The following LCA5L variants were observed in gnomAD, a reference collection of about 807,000 sequenced individuals.
The protein encoded by LCA5L is lebercilin-like protein.
Under a neutral mutation model 45.4 loss-of-function variants are expected in LCA5L, and 35 were observed. That is an observed-to-expected ratio of 0.77 (90% CI 0.59 to 1.02). The LOEUF (loss-of-function observed/expected upper bound fraction) is 1.02. LCA5L is among the 50% of genes least tolerant of loss of function. The pLI is 0.00. For missense variants in LCA5L, 668 were observed against 761.6 expected (o/e 0.88, Z 1.45); for synonymous variants, 233 against 264.7 (o/e 0.88, Z 1.16).
intron 1 of LCA5L, among the ~76,000 whole-genome samples, chr21:39,444,950 G>C (rs2077289355): frequency 6.6e-6 from 1 of 152,064 alleles, no homozygotes; most frequent in African/African-American, 2.4e-5. Context: ...TAAATGCAGG[G>C]ATCTGGTGTT....
intron 5 of LCA5L, among the ~76,000 whole-genome samples, chr21:39,423,818 TA>T (rs2074159084): frequency 6.6e-6 from 1 of 152,164 alleles, no homozygotes; most frequent in African/African-American, 2.4e-5. Flanking sequence ...TCTTTGACTC[TA>T]AAATCTGTAC....
At chr21:39,419,196 C>T (rs2041841318) in intron 7 of LCA5L, among the ~76,000 whole-genome samples, 1 of 152,098 alleles carries the variant, frequency 6.6e-6, no homozygotes, top group East Asian at 1.9e-4. Flanking sequence ...TCTCAAGGCT[C>T]CTGGAAAATC....
At chr21:39,436,988 C>T (rs539835988) in intron 2 of LCA5L, among the ~76,000 whole-genome samples, 1 of 152,326 alleles carries the variant, frequency 6.6e-6, no homozygotes, top group East Asian at 1.9e-4. Context: ...TAACTGCATG[C>T]TTCACAAGGC....
rs753046440 is a variant in LCA5L, at chr21:39,406,271, C to T, written c.1624G>A (p.Gly542Arg). ...CTCATGTTGCCGGCATTGGCTGGCC[C>T]CCCTGAAGCAGGAAGCCCATGATGC... is the stretch of plus-strand genomic sequence containing the variant. ...NLHHGLPASG[G>R]PANAGNMRYS... Residue 542 changes from glycine (G) to arginine (R), a missense_variant, in exon 11 of 11, where the codon GGG (glycine) becomes AGG (arginine). By Grantham distance (125) the Gly-to-Arg change is moderately radical. Transcript: ENST00000288350. 6.2e-7 allele frequency: 1 copy of T among 1,614,210 alleles called. No individual in the cohort carries two copies. Among genetic ancestry groups the T allele is most frequent in the African/African-American group, 1.3e-5 (1 of 75,050 alleles).
chr21:39,434,903 G>A (rs1048084012), intron 3 of LCA5L, among the ~76,000 whole-genome samples: 1 of 152,138 alleles, frequency 6.6e-6, no homozygotes, highest in Non-Finnish European at 1.5e-5. Flanking sequence ...AGAAGGTAAG[G>A]CAAAAGGATC....
At position 39,410,387 on chromosome 21, in the gene LCA5L, T is replaced by C. The variant is rs748619691; in HGVS notation, c.1061-20A>G. 2.3e-6 allele frequency: 3 copies of C among 1,284,262 alleles called. No individual in the cohort carries two copies. Among genetic ancestry groups the C allele is most frequent in the Non-Finnish European group, 3.3e-6 (3 of 902,914 alleles). 79.6% of individuals were successfully genotyped at this position (1,284,262 alleles called of 1,614,324 possible). ...AAGAAACTATGGAACAGGTAGATTA[T>C]ATGTAAGAAACATATTTTACATTTG... On this transcript the variant is annotated intron_variant, in intron 8 of 10. Transcript: ENST00000288350.
intron 2 of LCA5L, 126 bp downstream of exon 2, chr21:39,444,009 G>A (rs1336284771): frequency 2.0e-5 from 3 of 148,778 alleles, no homozygotes; most frequent in Admixed American, 6.7e-5. Flanking sequence ...CAGCCTGGCC[G>A]ACAGAGTAAG....
chr21:39,432,234 C>A (rs1226901697), intron 3 of LCA5L, among the ~76,000 whole-genome samples: 2 of 152,178 alleles, frequency 1.3e-5, no homozygotes, highest in Middle Eastern at 3.4e-3. Flanking sequence ...TAGGTAAAAT[C>A]GGCTTTTAGG....
chr21:39,432,708 T>C (rs559506910), intron 3 of LCA5L, among the ~76,000 whole-genome samples: 48 of 152,342 alleles, frequency 3.2e-4, no homozygotes, highest in African/African-American at 9.4e-4. Context: ...CCCTGTTTTT[T>C]TGTCACTATC....
chr21:39,426,946 T>C (rs1026629369), intron 5 of LCA5L, among the ~76,000 whole-genome samples: 3 of 152,188 alleles, frequency 2.0e-5, no homozygotes, highest in African/African-American at 4.8e-5. Flanking sequence ...CAAACACACA[T>C]AGACACAAAA....
chr21:39,422,390 T>C (rs1439745015), intron 6 of LCA5L: 1 of 152,436 alleles, frequency 6.6e-6, no homozygotes, highest in African/African-American at 2.4e-5. Flanking sequence ...CCAAGTGCTG[T>C]TGAGGAAAAT....
chr21:39,415,764 C>T (rs2041028750), intron 7 of LCA5L, among the ~76,000 whole-genome samples: 1 of 152,132 alleles, frequency 6.6e-6, no homozygotes, highest in Admixed American at 6.6e-5. Context: ...TCACTCTCAC[C>T]TCTTATTTTT....
chr21:39,424,129 C>A (rs2074230531), intron 5 of LCA5L, among the ~76,000 whole-genome samples: 1 of 152,100 alleles, frequency 6.6e-6, no homozygotes, highest in Non-Finnish European at 1.5e-5. Flanking sequence ...TCTCCTGCCT[C>A]AGCCTCCCGA....
intron 6 of LCA5L, chr21:39,422,715 T>G (rs966425026): frequency 1.7e-5 from 9 of 528,576 alleles, no homozygotes; most frequent in Non-Finnish European, 3.0e-5. Flanking sequence ...GAATGGTCAT[T>G]TCCAGATAAA....
chr21:39,420,468 A>G (rs1204132954), intron 7 of LCA5L, among the ~76,000 whole-genome samples: 1 of 147,952 alleles, frequency 6.8e-6, no homozygotes, highest in Non-Finnish European at 1.5e-5. Context: ...GGCTGCAGTG[A>G]GCCGAGATCA....
intron 2 of LCA5L, among the ~76,000 whole-genome samples, chr21:39,443,062 G>A (rs538226012): frequency 6.6e-6 from 1 of 152,188 alleles, no homozygotes; most frequent in Admixed American, 6.5e-5. Flanking sequence ...TGAAATGGGG[G>A]CAGCAGTTTC....
intron 2 of LCA5L, among the ~76,000 whole-genome samples, chr21:39,438,269 G>C (rs1487555641): frequency 6.6e-6 from 1 of 152,052 alleles, no homozygotes; most frequent in African/African-American, 2.4e-5. Flanking sequence ...AATGATGAGA[G>C]GTAGGCTAGA....
chr21:39,444,971 G>T (rs1338723194), intron 1 of LCA5L, among the ~76,000 whole-genome samples: 1 of 152,124 alleles, frequency 6.6e-6, no homozygotes, highest in African/African-American at 2.4e-5. Context: ...CAGGGGAGGG[G>T]CGAGGGCTGG....
chr21:39,419,736 T>TA (rs1440193370), intron 7 of LCA5L, among the ~76,000 whole-genome samples: 1 of 151,912 alleles, frequency 6.6e-6, no homozygotes, highest in Non-Finnish European at 1.5e-5. Context: ...TCCTTAAAAA[T>TA]AAAAAAGTTA....
Sources: allele counts gnomAD v4.1 joint callset (sites outside exome capture counted in the v4.1 genomes callset), GRCh38; gene constraint gnomAD v4.1.1; transcripts MANE v1.5; gene names NCBI Gene and HGNC (gene_info 2026-07-23, HGNC 2026-07-21).